PPP1R9A: variants seen among roughly 807,000 people sequenced by gnomAD.
PPP1R9A encodes the protein neurabin-1.
In PPP1R9A, 59 loss-of-function variants were observed where a neutral mutation model predicts 141.9. The observed-to-expected ratio is 0.42, with a 90% CI of 0.34 to 0.52. The LOEUF is 0.52. PPP1R9A is among the 20% of genes least tolerant of loss of function. PPP1R9A has a pLI of 0.10. For missense variants in PPP1R9A, 1,444 were observed against 1,611.9 expected (o/e 0.90, Z 1.78); for synonymous variants, 500 against 569.7 (o/e 0.88, Z 1.74).
At chr7:94,928,575 A>G (rs1793763291) in intron 2 of PPP1R9A, among the ~76,000 whole-genome samples, 1 of 152,190 alleles carries the variant, frequency 6.6e-6, no homozygotes, top group South Asian at 2.1e-4. Context: ...GACCTCACAG[A>G]CTGTTCTTAT....
chr7:95,269,976 T>C (rs1436258647), intron 14 of PPP1R9A, among the ~76,000 whole-genome samples: 1 of 152,236 alleles, frequency 6.6e-6, no homozygotes, highest in Non-Finnish European at 1.5e-5. Context: ...ATTGCTAATA[T>C]ACCTCTCCAC....
intron 2 of PPP1R9A, among the ~76,000 whole-genome samples, chr7:94,995,012 A>C (rs1420425912): frequency 6.6e-6 from 1 of 152,184 alleles, no homozygotes; most frequent in African/African-American, 2.4e-5. Flanking sequence ...ATACTGTTTA[A>C]TGCAGTTTGC....
In PPP1R9A at chr7:95,268,705, A is replaced by C; in HGVS notation, c.2821A>C (p.Lys941Gln). 6.2e-7 allele frequency: 1 copy of C among 1,612,636 alleles called. No homozygotes were observed. Among genetic ancestry groups the C allele is most frequent in the Non-Finnish European group, 8.5e-7 (1 of 1,178,972 alleles). ...STDGEDSLER[K>Q]PSNSFYNHMH... ...AGATGGGGAGGACAGTCTAGAGAGA[A>C]AGGTGAGCACCCTTGACCGTTTCCT... Residue 941 changes from lysine (K) to glutamine (Q), a missense_variant and splice_region_variant, in exon 13 of 20, where the codon AAG becomes CAG. Lys to Gln is a moderately conservative substitution (Grantham distance 53, BLOSUM62 1). This residue lies in a region of PPP1R9A where 459 missense variants were observed against 513.8 expected (regional missense o/e 0.89). Coordinates refer to ENST00000433360, the MANE Select transcript of PPP1R9A (RefSeq NM_001166160.2).
chr7:94,975,966 T>C (rs1799403502), intron 2 of PPP1R9A, among the ~76,000 whole-genome samples: 1 of 152,164 alleles, frequency 6.6e-6, no homozygotes. Context: ...TTCTTTACTT[T>C]CTCTTTTCTC....
chr7:95,081,998 C>T (rs1489188797), intron 2 of PPP1R9A, among the ~76,000 whole-genome samples: 1 of 152,118 alleles, frequency 6.6e-6, no homozygotes, highest in Admixed American at 6.6e-5. Flanking sequence ...TATTGGATTG[C>T]CTTAGAAATC....
At chr7:95,259,189 TAGA>T (rs1178375221) in intron 12 of PPP1R9A, among the ~76,000 whole-genome samples, 1 of 151,938 alleles carries the variant, frequency 6.6e-6, no homozygotes, top group African/African-American at 2.4e-5. Flanking sequence ...ATGGAATAAC[TAGA>T]AGAAAATACA....
chr7:94,991,456 A>G (rs1376273525), intron 2 of PPP1R9A, among the ~76,000 whole-genome samples: 1 of 151,556 alleles, frequency 6.6e-6, no homozygotes, highest in African/African-American at 2.4e-5. Context: ...GTTTGAAAAT[A>G]TTTTTTCTTA....
chr7:94,929,588 C>T lies in PPP1R9A; in HGVS notation c.1395+18080C>T, dbSNP rs1793913547. Among the ~76,000 whole-genome samples, 3 of 152,104 alleles carry T rather than the reference C, an allele frequency of 2.0e-5. No individual in the cohort carries two copies. In the South Asian group the frequency reaches 6.2e-4, roughly 32 times the overall value. Reference sequence around the variant, plus strand: ...ACCACAAAGTTTAATATTGTTGGTACATGTTAAGGCAAGGGCAGATTAAGA... The same window carrying T: ...ACCACAAAGTTTAATATTGTTGGTATATGTTAAGGCAAGGGCAGATTAAGA... On this transcript the variant is annotated intron_variant, in intron 2 of 19. Coordinates refer to ENST00000433360, the MANE Select transcript of PPP1R9A (RefSeq NM_001166160.2).
chr7:95,205,906 A>AT (rs1790692572), intron 7 of PPP1R9A, among the ~76,000 whole-genome samples: 1 of 152,098 alleles, frequency 6.6e-6, no homozygotes, highest in African/African-American at 2.4e-5. Flanking sequence ...GAGTCCATGA[A>AT]TTTGCAAGAA....
intron 14 of PPP1R9A, among the ~76,000 whole-genome samples, chr7:95,272,932 A>T (rs1288665793): frequency 6.6e-6 from 1 of 152,238 alleles, no homozygotes; most frequent in African/African-American, 2.4e-5. Context: ...CATAAAAAAC[A>T]TCAAATTTAA....
At chr7:95,146,589 C>G (rs909762080) in intron 4 of PPP1R9A, among the ~76,000 whole-genome samples, 9 of 152,170 alleles carry the variant, frequency 5.9e-5, no homozygotes, top group African/African-American at 1.9e-4. Context: ...TGTCCTGAAT[C>G]ATATTGCCTA....
intron 14 of PPP1R9A, among the ~76,000 whole-genome samples, chr7:95,270,514 T>C (rs1802011805): frequency 6.6e-6 from 1 of 152,278 alleles, no homozygotes; most frequent in Admixed American, 6.5e-5. Context: ...AGTCCCATTA[T>C]AACTGGCTAA....
chr7:95,161,363 A>C (rs1830441084), intron 4 of PPP1R9A, among the ~76,000 whole-genome samples: 1 of 152,088 alleles, frequency 6.6e-6, no homozygotes, highest in Non-Finnish European at 1.5e-5. Context: ...CCAGTTTTTA[A>C]TGGAAATAGT....
chr7:95,154,466 C>A (rs1829257383), intron 4 of PPP1R9A, among the ~76,000 whole-genome samples: 1 of 152,044 alleles, frequency 6.6e-6, no homozygotes, highest in Non-Finnish European at 1.5e-5. Flanking sequence ...ACTTTTATTG[C>A]ATGAATTTAG....
chr7:94,995,564 T>C (rs1300466693), intron 2 of PPP1R9A, among the ~76,000 whole-genome samples: 4 of 152,050 alleles, frequency 2.6e-5, no homozygotes, highest in Non-Finnish European at 5.9e-5. Context: ...ACTACACTTT[T>C]CTTCTGCAAT....
At chr7:94,942,597 G>T (rs1795450811) in intron 2 of PPP1R9A, among the ~76,000 whole-genome samples, 1 of 152,078 alleles carries the variant, frequency 6.6e-6, no homozygotes, top group East Asian at 1.9e-4. Context: ...GAAGTCAGGA[G>T]TTCGAGGCAA....
At position 95,015,956 on chromosome 7, in the gene PPP1R9A, G is replaced by A. The variant is rs921032305; in HGVS notation, c.1396-95303G>A. 2.6e-4 allele frequency among the ~76,000 whole-genome samples: 40 copies of A among 152,192 alleles called. 1 individual carries two copies. The highest frequency in any genetic ancestry group is 3.4e-3 in the Middle Eastern group (1 of 294). On this transcript the variant is annotated intron_variant, in intron 2 of 19. Coordinates refer to ENST00000433360, the MANE Select transcript of PPP1R9A (RefSeq NM_001166160.2). The stretch of plus-strand genomic sequence containing the variant: ...TAGGCCTAGCTACTCAGGAGACTGA[G>A]GCAAGAAGATCTTTTGAACCTAGGA...
rs189586874 is a variant in PPP1R9A, at chr7:95,145,147, C to G, written c.1650-16720C>G. 1.1e-4 allele frequency among the ~76,000 whole-genome samples: 16 copies of G among 152,194 alleles called. No homozygotes were observed. The East Asian group carries it at 3.1e-3, about 29-fold the overall frequency. ...ATTGGTAGAATATTGTAGAAATGTCCGTACTAGCTATCCCAGATCTAAATA... is the reference window on the plus strand; with the variant it reads ...ATTGGTAGAATATTGTAGAAATGTCGGTACTAGCTATCCCAGATCTAAATA... On this transcript the variant is annotated intron_variant, in intron 4 of 19. Transcript: ENST00000433360.
chr7:95,276,694 A>G (rs1315957368), intron 16 of PPP1R9A, among the ~76,000 whole-genome samples: 6 of 152,212 alleles, frequency 3.9e-5, no homozygotes, highest in Non-Finnish European at 8.8e-5. Context: ...ATAAAATCAT[A>G]GTTTTATAAT....
Sources: allele counts gnomAD v4.1 joint callset (sites outside exome capture counted in the v4.1 genomes callset), GRCh38; gene constraint gnomAD v4.1.1; regional missense constraint gnomAD v4.1.1; transcripts MANE v1.5; gene names NCBI Gene and HGNC (gene_info 2026-07-23, HGNC 2026-07-21).